The following KDM3B variants were observed in gnomAD, a reference collection of about 807,000 sequenced individuals.
The protein encoded by KDM3B is lysine-specific demethylase 3B.
A neutral mutation model predicts 170.0 loss-of-function variants in KDM3B; 10 were observed. That is an observed-to-expected ratio of 0.06 (90% CI 0.04 to 0.10). KDM3B has a LOEUF of 0.10. Among genes scored for constraint, KDM3B ranks in the 10% least tolerant of loss-of-function variants. The probability of loss-of-function intolerance (pLI) is 1.00; values close to 1 mark genes in which losing one functional copy is unlikely to be tolerated. For synonymous variants in KDM3B, 831 were observed against 834.8 expected (o/e 1.00, Z 0.08); for missense variants, 1,394 against 2,195.2 (o/e 0.64, Z 7.29).
chr5:138,416,167 C>T (rs1017174124), intron 12 of KDM3B, among the ~76,000 whole-genome samples: 2 of 152,214 alleles, frequency 1.3e-5, no homozygotes, highest in African/African-American at 4.8e-5. Context: ...GTTTGTGTCA[C>T]AATCCCAGTT....
rs1334694584 is a variant in KDM3B at position 138,393,388 on chromosome 5, T to G, written c.2831+16T>G. ...ACTTCCGGAGGTACCCAAACTCCTG[T>G]TTTCCTCCTTTGCTAGTTTTCATTA... On this transcript the variant is annotated intron_variant, in intron 9 of 23. Transcript: ENST00000314358. The G allele has an allele frequency of 2.5e-6, 4 of 1,602,642 alleles. No homozygotes were observed. The highest frequency in any genetic ancestry group is 3.4e-6 in the Non-Finnish European group (4 of 1,171,274).
At chr5:138,401,299 C>T (rs1762688912) in intron 11 of KDM3B, among the ~76,000 whole-genome samples, 1 of 151,008 alleles carries the variant, frequency 6.6e-6, no homozygotes, top group African/African-American at 2.4e-5. Context: ...AAAACATACA[C>T]TATTGTGTCT....
intron 11 of KDM3B, among the ~76,000 whole-genome samples, chr5:138,402,055 C>T (rs1762707688): frequency 6.6e-6 from 1 of 151,994 alleles, no homozygotes; most frequent in South Asian, 2.1e-4. Flanking sequence ...AAGCCTCCTG[C>T]ATAGCTGGGA....
chr5:138,365,796 C>G (rs1455993406), intron 1 of KDM3B, among the ~76,000 whole-genome samples: 1 of 151,754 alleles, frequency 6.6e-6, no homozygotes, highest in Non-Finnish European at 1.5e-5. Flanking sequence ...GTCAAGAGTT[C>G]AAGACCAGCC....
intron 1 of KDM3B, among the ~76,000 whole-genome samples, chr5:138,364,187 G>A (rs1761687612): frequency 6.6e-6 from 1 of 151,774 alleles, no homozygotes; most frequent in African/African-American, 2.4e-5. Context: ...CAGAGTGCTG[G>A]GATTACAGGT....
chr5:138,425,216 A>G (rs1159182355), intron 16 of KDM3B, among the ~76,000 whole-genome samples, 195 bp from the exon 17 acceptor site: 1 of 152,250 alleles, frequency 6.6e-6, no homozygotes, highest in Non-Finnish European at 1.5e-5. Context: ...AGAATGAAGC[A>G]TAACAATGGA....
At position 138,379,602 on chromosome 5, in the gene KDM3B, G is replaced by A; in HGVS notation, c.599G>A (p.Gly200Asp). Residue 200 changes from glycine (G) to aspartate (D), a missense_variant, in exon 5 of 24, where the codon GGT becomes GAT. Around this residue, in one of 19 missense-constraint regions of KDM3B, gnomAD observed 166 missense variants for 216.4 expected, o/e 0.77. Coordinates refer to ENST00000314358, the MANE Select transcript of KDM3B (RefSeq NM_016604.4). ...IFSRGPYSVQ[G>D]HRVKIYQPEG... ...CTTTTAGGTCCCTACAGTGTTCAAG[G>A]TCACAGGGTCAAAATATATCAGCCA... is the stretch of plus-strand genomic sequence containing the variant. 1 of 1,613,506 alleles carries A rather than the reference G, an allele frequency of 6.2e-7. No individual in the cohort carries two copies. The highest frequency in any genetic ancestry group is 8.5e-7 in the Non-Finnish European group (1 of 1,179,726).
At chr5:138,382,212 C>A (rs1326882184) in intron 6 of KDM3B, among the ~76,000 whole-genome samples, 1 of 152,094 alleles carries the variant, frequency 6.6e-6, no homozygotes, top group African/African-American at 2.4e-5. Flanking sequence ...CTTTGGGAGG[C>A]CGAGGCAGGC....
Position 138,419,989 on chromosome 5 carries a change from G to GCC in KDM3B, c.3716-717_3716-716insCC, listed in dbSNP as rs879360875. Among the ~76,000 whole-genome samples, 795 of 152,144 alleles carry GCC rather than the reference G, an allele frequency of 5.2e-3. 8 individuals carry two copies. Among genetic ancestry groups the GCC allele is most frequent in the Non-Finnish European group, 6.4e-3 (435 of 68,000 alleles). On this transcript the variant is annotated intron_variant, in intron 14 of 23. Transcript: ENST00000314358. ...CAACCTCCGTCTCCCAGGTTCAAGT[G>GCC]ATTCTCCTGCCTCAGCCTCCCAAGT...
At chr5:138,420,347 C>T (rs1408297320) in intron 14 of KDM3B, among the ~76,000 whole-genome samples, 1 of 152,190 alleles carries the variant, frequency 6.6e-6, no homozygotes, top group Non-Finnish European at 1.5e-5. Context: ...AAATCAGAAT[C>T]TCTGGGGGTA....
At chr5:138,394,164 A>T (rs2126954572) in intron 9 of KDM3B, among the ~76,000 whole-genome samples, 1 of 152,248 alleles carries the variant, frequency 6.6e-6, no homozygotes, top group South Asian at 2.1e-4. Context: ...AAGCAGAAGG[A>T]TCACTTGAGA....
intron 6 of KDM3B, 113 bp downstream of exon 6, chr5:138,381,703 A>G (rs1278752365): frequency 4.5e-6 from 3 of 660,506 alleles, no homozygotes; most frequent in Non-Finnish European, 8.0e-6. Context: ...GTTCAGCTTT[A>G]GCCACTGTAC....
chr5:138,394,566 G>A (rs962407128), intron 9 of KDM3B, among the ~76,000 whole-genome samples: 9 of 152,166 alleles, frequency 5.9e-5, no homozygotes, highest in Admixed American at 5.9e-4. Context: ...TTCCAGACAG[G>A]TGCAAGCATC....
chr5:138,353,263 C>G (rs1226407903), intron 1 of KDM3B, among the ~76,000 whole-genome samples: 2 of 152,254 alleles, frequency 1.3e-5, no homozygotes, highest in African/African-American at 4.8e-5. Context: ...CGACCCTTTT[C>G]TCGGCGTTCC....
chr5:138,360,513 A>T (rs1004794566), intron 1 of KDM3B, among the ~76,000 whole-genome samples: 1 of 119,460 alleles, frequency 8.4e-6, no homozygotes, highest in Non-Finnish European at 1.8e-5. Context: ...TTGATTTTTT[A>T]AAAAAAGATT....
At chr5:138,365,722 G>C (rs914288822) in intron 1 of KDM3B, among the ~76,000 whole-genome samples, 1 of 151,896 alleles carries the variant, frequency 6.6e-6, no homozygotes, top group Non-Finnish European at 1.5e-5. Flanking sequence ...TTTTAGTCCA[G>C]GGGCAGTGGT....
At chr5:138,415,317 A>C (rs1763074580) in intron 12 of KDM3B, 78 bp downstream of exon 12, 1 of 840,410 alleles carries the variant, frequency 1.2e-6, no homozygotes, top group Non-Finnish European at 1.9e-6. Context: ...AATTTTTTGA[A>C]ATGATTTAGC....
intron 17 of KDM3B, 61 bp downstream of exon 17, chr5:138,425,643 C>A: frequency 7.4e-7 from 1 of 1,355,862 alleles, no homozygotes; most frequent in Non-Finnish European, 1.0e-6. Flanking sequence ...TCTATACGCC[C>A]AGCTCTGCCC....
chr5:138,385,497 C>G (rs1762235505), intron 6 of KDM3B, among the ~76,000 whole-genome samples: 1 of 152,242 alleles, frequency 6.6e-6, no homozygotes. Context: ...TCCCAAACTG[C>G]TGGGATTACA....
Sources: gnomAD v4.1 joint callset for allele counts (sites outside exome capture counted in the v4.1 genomes callset) on GRCh38, gnomAD v4.1.1 for gene constraint, gnomAD v4.1.1 regional missense constraint, MANE v1.5 for transcripts, NCBI Gene and HGNC (gene_info 2026-07-23, HGNC 2026-07-21) for gene names.